Variants in CNTNAP4 observed in about 807,000 individuals in gnomAD.
CNTNAP4 encodes the protein contactin associated protein family member 4, also known as contactin-associated protein-like 4.
A neutral mutation model predicts 148.4 loss-of-function variants in CNTNAP4; 98 were observed. The observed-to-expected ratio is 0.66, with a 90% CI of 0.56 to 0.78. CNTNAP4 has a LOEUF of 0.78. Among genes scored for constraint, CNTNAP4 ranks in the 30% least tolerant of loss-of-function variants. The pLI, the probability that CNTNAP4 is intolerant of heterozygous loss-of-function variation, is 0.00. For missense variants in CNTNAP4, 1,935 were observed against 1,565.6 expected (o/e 1.24, Z -3.98); for synonymous variants, 730 against 565.1 (o/e 1.29, Z -4.14).
chr16:76,388,121 T>C (rs2016666546), intron 3 of CNTNAP4, among the ~76,000 whole-genome samples: 1 of 152,182 alleles, frequency 6.6e-6, no homozygotes, highest in Non-Finnish European at 1.5e-5. Flanking sequence ...GGGTGGGTTG[T>C]GATTACTTTA....
chr16:76,306,117 A>G (rs1390424629), intron 1 of CNTNAP4, among the ~76,000 whole-genome samples: 5 of 152,192 alleles, frequency 3.3e-5, no homozygotes, highest in Non-Finnish European at 7.3e-5. Flanking sequence ...ATGGTGATGA[A>G]TATATGAATG....
intron 4 of CNTNAP4, among the ~76,000 whole-genome samples, chr16:76,434,108 G>A (rs1597522097): frequency 1.3e-5 from 2 of 148,422 alleles, no homozygotes; most frequent in South Asian, 4.2e-4. Flanking sequence ...AGATACATTT[G>A]TATAATTAAA....
At chr16:76,299,794 A>G (rs551676850) in intron 1 of CNTNAP4, among the ~76,000 whole-genome samples, 14 of 152,224 alleles carry the variant, frequency 9.2e-5, no homozygotes, top group Non-Finnish European at 1.8e-4. Flanking sequence ...GCACATATAC[A>G]CCACAGAATA....
intron 1 of CNTNAP4, among the ~76,000 whole-genome samples, chr16:76,289,607 C>T (rs1377696323): frequency 6.7e-6 from 1 of 149,932 alleles, no homozygotes; most frequent in African/African-American, 2.5e-5. Context: ...GAGTCTTGCT[C>T]TGTCTCCCAG....
rs1167634774 is a variant in CNTNAP4 at position 76,483,231 on chromosome 16, A to AACTTCACAC, written c.1882+3695_1882+3696insTTCACACAC. On this transcript the variant is annotated intron_variant, in intron 12 of 23. Transcript: ENST00000611870. ...ATCTCTAGTCTTTGAAGTTTTAAGA[A>AACTTCACAC]ACACACACACACACACACACACACA... 5.9e-4 allele frequency among the ~76,000 whole-genome samples: 83 copies of AACTTCACAC among 140,112 alleles called. 1 individual carries two copies. Among genetic ancestry groups the AACTTCACAC allele is most frequent in the African/African-American group, 2.1e-3 (79 of 38,434 alleles). The allele number at this position is 140,112 out of a possible 152,430, so 91.9% of individuals were successfully genotyped here.
chr16:76,405,849 T>C (rs567816953), intron 3 of CNTNAP4, among the ~76,000 whole-genome samples: 18 of 152,126 alleles, frequency 1.2e-4, no homozygotes, highest in African/African-American at 3.1e-4. Flanking sequence ...ATATGACTTA[T>C]AGAAACTGAT....
chr16:76,426,141 G>A (rs1217313152), intron 3 of CNTNAP4, among the ~76,000 whole-genome samples: 1 of 151,980 alleles, frequency 6.6e-6, no homozygotes, highest in Non-Finnish European at 1.5e-5. Flanking sequence ...GGTGGAGTGG[G>A]GGCAGAAGGT....
chr16:76,511,936 T>C (rs1338797166), intron 15 of CNTNAP4, among the ~76,000 whole-genome samples: 2 of 148,238 alleles, frequency 1.3e-5, no homozygotes, highest in Non-Finnish European at 3.0e-5. Context: ...GAGGCAGGAG[T>C]GGGGTAATTT....
intron 12 of CNTNAP4, among the ~76,000 whole-genome samples, chr16:76,488,985 A>G (rs1190566666): frequency 3.9e-5 from 6 of 152,208 alleles, no homozygotes; most frequent in South Asian, 2.1e-4. Flanking sequence ...GATGCATTCA[A>G]TTCAAAAGAG....
intron 3 of CNTNAP4, among the ~76,000 whole-genome samples, chr16:76,356,094 C>G (rs138621901): frequency 2.0e-5 from 3 of 151,898 alleles, no homozygotes; most frequent in African/African-American, 7.2e-5. Context: ...AGGCTGGACT[C>G]GAACTCCTGG....
At chr16:76,316,254 C>A (rs375053683) in intron 1 of CNTNAP4, 159 bp from the exon 2 acceptor site, 1 of 688,450 alleles carries the variant, frequency 1.5e-6, no homozygotes, top group African/African-American at 1.8e-5. Context: ...ATTGAACTTA[C>A]TAGACTTCTA....
intron 22 of CNTNAP4, 37 bp downstream of exon 22, chr16:76,553,538 T>C (rs1370323978): frequency 6.9e-7 from 1 of 1,440,534 alleles, no homozygotes; most frequent in Non-Finnish European, 9.6e-7. Context: ...GTCACAGACG[T>C]AGCTTGTCCA....
chr16:76,363,633 AAAAT>A (rs1456782080), intron 3 of CNTNAP4, among the ~76,000 whole-genome samples: 2 of 152,236 alleles, frequency 1.3e-5, no homozygotes, highest in Admixed American at 6.5e-5. Flanking sequence ...AACAAAATGA[AAAAT>A]AAACAAGTGG....
At chr16:76,526,302 C>A (rs1463897242) in intron 17 of CNTNAP4, among the ~76,000 whole-genome samples, 1 of 152,080 alleles carries the variant, frequency 6.6e-6, no homozygotes, top group Non-Finnish European at 1.5e-5. Flanking sequence ...TGGAAAGAAT[C>A]AGATTTAGGG....
Position 76,472,717 on chromosome 16 carries a change from C to A in CNTNAP4, c.1656-3222C>A, listed in dbSNP as rs146591371. Among the ~76,000 whole-genome samples the A allele has an allele frequency of 1.1e-3, 166 of 152,122 alleles. 2 individuals are homozygous for A. In the East Asian group the frequency reaches 0.028, roughly 26 times the overall value. Reference sequence around the variant, plus strand: ...ATTGTGAATACTAATGCAATGAATACGACATGTTCTTACTTATAAGTGGGA... The same window carrying A: ...ATTGTGAATACTAATGCAATGAATAAGACATGTTCTTACTTATAAGTGGGA... On this transcript the variant is annotated intron_variant, in intron 10 of 23. Transcript: ENST00000611870.
At chr16:76,418,514 C>T (rs2079068292) in intron 3 of CNTNAP4, among the ~76,000 whole-genome samples, 1 of 151,368 alleles carries the variant, frequency 6.6e-6, no homozygotes, top group Non-Finnish European at 1.5e-5. Context: ...CACTTCTGTT[C>T]CAGCATTTTT....
intron 4 of CNTNAP4, among the ~76,000 whole-genome samples, chr16:76,446,320 C>G (rs138136275): frequency 1.3e-4 from 20 of 152,228 alleles, no homozygotes; most frequent in Admixed American, 1.2e-3. Context: ...AAAATCGCTT[C>G]ATATTTTATT....
At chr16:76,527,756 CTA>C (rs367785573) in intron 17 of CNTNAP4, among the ~76,000 whole-genome samples, 2 of 152,186 alleles carry the variant, frequency 1.3e-5, no homozygotes, top group African/African-American at 4.8e-5. Flanking sequence ...AAAAAAGTAA[CTA>C]TGTCAGATTA....
At chr16:76,386,320 A>G (rs2016511423) in intron 3 of CNTNAP4, among the ~76,000 whole-genome samples, 1 of 152,218 alleles carries the variant, frequency 6.6e-6, no homozygotes. Context: ...CGGGCAAAAT[A>G]GTAAAATGAG....
Sources: gnomAD v4.1 joint callset for allele counts (sites outside exome capture counted in the v4.1 genomes callset) on GRCh38, gnomAD v4.1.1 for gene constraint, MANE v1.5 for transcripts, NCBI Gene and HGNC (gene_info 2026-07-23, HGNC 2026-07-21) for gene names.